The following GALNT18 variants were observed in gnomAD, a reference collection of about 807,000 sequenced individuals.
GALNT18 encodes polypeptide N-acetylgalactosaminyltransferase 18, also known as GalNAc-transferase 18.
GALNT18 carries 44 observed loss-of-function variants against 69.5 expected under a neutral mutation model. The ratio of observed to expected loss-of-function variants is 0.63; its 90% confidence interval spans 0.50 to 0.81. The LOEUF (loss-of-function observed/expected upper bound fraction) is 0.81, where lower values mean the gene tolerates loss of function less well. Among genes scored for constraint, GALNT18 ranks in the 40% least tolerant of loss-of-function variants. The pLI, the probability that GALNT18 is intolerant of heterozygous loss-of-function variation, is 0.00. For missense variants in GALNT18, 715 were observed against 810.0 expected (o/e 0.88, Z 1.42); for synonymous variants, 364 against 318.2 (o/e 1.14, Z -1.53).
At chr11:11,431,183 T>C (rs1330668120) in intron 3 of GALNT18, among the ~76,000 whole-genome samples, 1 of 152,200 alleles carries the variant, frequency 6.6e-6, no homozygotes, top group African/African-American at 2.4e-5. Context: ...TGTGAGGAGT[T>C]CAGCCTCTTG....
At chr11:11,450,301 A>G (rs1045691134) in intron 1 of GALNT18, among the ~76,000 whole-genome samples, 17 of 152,268 alleles carry the variant, frequency 1.1e-4, no homozygotes, top group African/African-American at 3.9e-4. Flanking sequence ...GTAAGGAGCT[A>G]GGGTTCTGAA....
intron 1 of GALNT18, among the ~76,000 whole-genome samples, chr11:11,515,963 G>A (rs934814793): frequency 3.3e-5 from 5 of 152,186 alleles, no homozygotes; most frequent in Non-Finnish European, 7.4e-5. Flanking sequence ...GTTTCTGGGC[G>A]GGCCCAGTCA....
chr11:11,557,488 G>A (rs1451896243), intron 1 of GALNT18, among the ~76,000 whole-genome samples: 1 of 152,142 alleles, frequency 6.6e-6, no homozygotes, highest in Non-Finnish European at 1.5e-5. Flanking sequence ...CAGCTGGAAG[G>A]GCCCTGTCCC....
chr11:11,386,059 C>T lies in GALNT18; in HGVS notation c.596-6795G>A, dbSNP rs187690916. Among the ~76,000 whole-genome samples the T allele has an allele frequency of 9.2e-5, 14 of 152,292 alleles. No homozygotes were observed. In the East Asian group the frequency reaches 2.3e-3, roughly 25 times the overall value. ...GAGAGGGGCATGCAACAGATTCCCCCTCATAGTCCTGCTGGCACCTTGATT... is the reference window on the plus strand; with the variant it reads ...GAGAGGGGCATGCAACAGATTCCCCTTCATAGTCCTGCTGGCACCTTGATT... On this transcript the variant is annotated intron_variant, in intron 3 of 10. Coordinates refer to ENST00000227756, the MANE Select transcript of GALNT18 (RefSeq NM_198516.3).
chr11:11,298,600 C>T (rs1312375226), intron 9 of GALNT18, among the ~76,000 whole-genome samples: 3 of 152,190 alleles, frequency 2.0e-5, no homozygotes, highest in Non-Finnish European at 2.9e-5. Flanking sequence ...CATGAACTCA[C>T]CCATGAACCA....
chr11:11,388,746 G>A (rs1854111657), intron 3 of GALNT18, among the ~76,000 whole-genome samples: 1 of 152,232 alleles, frequency 6.6e-6, no homozygotes, highest in African/African-American at 2.4e-5. Flanking sequence ...AATGTGCACT[G>A]TGCTCAGCAC....
At chr11:11,442,491 G>A (rs2039695093) in intron 2 of GALNT18, among the ~76,000 whole-genome samples, 1 of 152,166 alleles carries the variant, frequency 6.6e-6, no homozygotes, top group Non-Finnish European at 1.5e-5. Context: ...AAAGATGCCA[G>A]ATGTCTCTCT....
rs1363323368 is a variant in GALNT18, at chr11:11,555,549, C to T, written c.235+65810G>A. On this transcript the variant is annotated intron_variant, in intron 1 of 10. Coordinates refer to ENST00000227756, the MANE Select transcript of GALNT18 (RefSeq NM_198516.3). The surrounding 1 kb of genome is among the most constrained non-coding windows in gnomAD (Gnocchi z 4.7). The stretch of plus-strand genomic sequence containing the variant: ...TGGCTTTGAATGCCCTGGCTTTAGA[C>T]TTCTAATCTCCAGAACTATGAGAGA... Among the ~76,000 whole-genome samples the T allele has an allele frequency of 6.6e-6, 1 of 152,224 alleles. No homozygotes were observed. Among genetic ancestry groups the T allele is most frequent in the Non-Finnish European group, 1.5e-5 (1 of 68,038 alleles).
At chr11:11,445,713 G>C (rs1488697332) in intron 2 of GALNT18, among the ~76,000 whole-genome samples, 1 of 152,190 alleles carries the variant, frequency 6.6e-6, no homozygotes, top group Non-Finnish European at 1.5e-5. Context: ...CCTCCCTGAG[G>C]AGTGAGGAGG....
chr11:11,494,561 C>A lies in GALNT18; in HGVS notation c.236-45625G>T, dbSNP rs541156134. ...ATATGAAAGACCCCTTGTGGGTGAG[C>A]TGAAGGCAGAGTCATGCCTCACAAT... On this transcript the variant is annotated intron_variant, in intron 1 of 10. Coordinates refer to ENST00000227756, the MANE Select transcript of GALNT18 (RefSeq NM_198516.3). The surrounding 1 kb of genome is among the most constrained non-coding windows in gnomAD (Gnocchi z 5.7). 3.3e-5 allele frequency among the ~76,000 whole-genome samples: 5 copies of A among 152,342 alleles called. No homozygotes were observed. Among genetic ancestry groups the A allele is most frequent in the African/African-American group, 1.2e-4 (5 of 41,588 alleles).
intron 3 of GALNT18, among the ~76,000 whole-genome samples, chr11:11,379,749 G>A (rs1333347180): frequency 1.3e-5 from 2 of 152,202 alleles, no homozygotes; most frequent in Non-Finnish European, 2.9e-5. Context: ...CCCAGCCCAG[G>A]ATCCGCTCTC....
In GALNT18 at chr11:11,293,090, CG is replaced by C; in HGVS notation, c.1615del (p.Arg539GlyfsTer13). The C allele has an allele frequency of 2.2e-6, 3 of 1,383,106 alleles. No individual in the cohort carries two copies. Among genetic ancestry groups the C allele is most frequent in the African/African-American group, 1.5e-5 (1 of 67,124 alleles). 85.7% of individuals were successfully genotyped at this position (1,383,106 alleles called of 1,614,324 possible). ...RCLVDVNSRPRLIECSYAKAK... is the reference protein window; with the variant it reads ...RCLVDVNSRPXLIECSYAKAK... ...TTTGGCGTAGCTGCATTCGATGAGC[CG>C]GGGCCGGCTGTTGACGTCCACCAGG... On this transcript the variant is annotated frameshift_variant, in exon 10 of 11. Coordinates refer to ENST00000227756, the MANE Select transcript of GALNT18 (RefSeq NM_198516.3). LOFTEE classifies it high-confidence loss of function.
chr11:11,331,341 C>T (rs1196072989), intron 8 of GALNT18, among the ~76,000 whole-genome samples: 1 of 152,136 alleles, frequency 6.6e-6, no homozygotes, highest in Non-Finnish European at 1.5e-5. Flanking sequence ...ACAATCTGGC[C>T]TTCTGGCTAA....
Position 11,275,231 on chromosome 11 carries a change from G to C in GALNT18, c.1678-3941C>G, listed in dbSNP as rs572301426. Among the ~76,000 whole-genome samples, 118 of 152,250 alleles carry C rather than the reference G, an allele frequency of 7.8e-4. 1 individual carries two copies. Among genetic ancestry groups the C allele is most frequent in the Admixed American group, 4.2e-3 (65 of 15,296 alleles). ...GTTGTTTCCTGACTTTTTAATGATC[G>C]CCATTCTAACTGGTGTGAGATGGTA... On this transcript the variant is annotated intron_variant, in intron 10 of 10. Coordinates refer to ENST00000227756, the MANE Select transcript of GALNT18 (RefSeq NM_198516.3).
chr11:11,409,299 C>A (rs1854672131), intron 3 of GALNT18, among the ~76,000 whole-genome samples: 1 of 152,116 alleles, frequency 6.6e-6, no homozygotes, highest in Admixed American at 6.5e-5. Flanking sequence ...TGTCTGGGTT[C>A]CTAGTGCGTG....
In GALNT18 at chr11:11,395,935, G is replaced by A. The variant is rs554317112; in HGVS notation, c.596-16671C>T. On this transcript the variant is annotated intron_variant, in intron 3 of 10. Transcript: ENST00000227756. ...AATTAAAAAGAGACTCTCAGAACCA[G>A]TGGGCACAAGGACAGCTGTTCCTGG... 1.9e-4 allele frequency among the ~76,000 whole-genome samples: 29 copies of A among 152,292 alleles called. No individual in the cohort carries two copies. The East Asian group carries it at 5.2e-3, about 27-fold the overall frequency.
chr11:11,324,496 G>T (rs1445802423), intron 9 of GALNT18, among the ~76,000 whole-genome samples: 1 of 152,162 alleles, frequency 6.6e-6, no homozygotes, highest in Non-Finnish European at 1.5e-5. Flanking sequence ...ACAACTACAG[G>T]TAATAGCAGG....
chr11:11,381,899 T>C (rs1853930052), intron 3 of GALNT18, among the ~76,000 whole-genome samples: 2 of 152,366 alleles, frequency 1.3e-5, no homozygotes, highest in Middle Eastern at 3.4e-3. Context: ...ACTTCTGGAA[T>C]GGTTTGTTAT....
chr11:11,292,267 C>T (rs1192888861), intron 10 of GALNT18, among the ~76,000 whole-genome samples: 1 of 152,064 alleles, frequency 6.6e-6, no homozygotes, highest in African/African-American at 2.4e-5. Context: ...AAAATGGATC[C>T]TACCTTAGCA....
Sources: allele counts gnomAD v4.1 joint callset (sites outside exome capture counted in the v4.1 genomes callset), GRCh38; gene constraint gnomAD v4.1.1; non-coding constraint Gnocchi (gnomAD v3.1); transcripts MANE v1.5; gene names NCBI Gene and HGNC (gene_info 2026-07-23, HGNC 2026-07-21).